The following TASP1 variants were observed in gnomAD, a reference collection of about 807,000 sequenced individuals.
TASP1 encodes taspase 1.
A neutral mutation model predicts 56.6 loss-of-function variants in TASP1; 16 were observed. The observed-to-expected ratio is 0.28, with a 90% CI of 0.19 to 0.43. TASP1 has a LOEUF of 0.43. Ranked by LOEUF, TASP1 falls within the 20% of genes least tolerant of loss-of-function variation. The pLI, the probability that TASP1 is intolerant of heterozygous loss-of-function variation, is 1.00. For missense variants in TASP1, 393 were observed against 511.6 expected (o/e 0.77, Z 2.24); for synonymous variants, 179 against 184.2 (o/e 0.97, Z 0.23).
chr20:13,350,119 C>T, the TASP1 span, among the ~76,000 whole-genome samples: 1 of 152,080 alleles, frequency 6.6e-6, no homozygotes, highest in African/African-American at 2.4e-5. Flanking sequence ...GGTGACAGAG[C>T]AAAGTCCTGT....
At chr20:13,104,911 C>CA in the TASP1 span, among the ~76,000 whole-genome samples, 10,441 of 151,768 alleles carry the variant, frequency 0.069, 383 homozygotes, top group South Asian at 0.11. Context: ...TTTTCATCTG[C>CA]AAAAAACAAA....
chr20:13,338,449 G>A, the TASP1 span, among the ~76,000 whole-genome samples: 3 of 152,100 alleles, frequency 2.0e-5, no homozygotes, highest in Non-Finnish European at 4.4e-5. Flanking sequence ...CCCATCCTGT[G>A]ACTTAGAATG....
At chr20:13,167,027 T>C in the TASP1 span, 1 of 152,090 alleles carries the variant, frequency 6.6e-6, no homozygotes, top group African/African-American at 2.4e-5. Context: ...TGTTAGAGAG[T>C]CCATGTTGAA....
chr20:13,493,821 T>G (rs2043627421), intron 10 of TASP1, among the ~76,000 whole-genome samples: 2 of 152,226 alleles, frequency 1.3e-5, no homozygotes, highest in South Asian at 2.1e-4. Flanking sequence ...AATATTCATT[T>G]TGAGTGTTAA....
intron 7 of TASP1, among the ~76,000 whole-genome samples, chr20:13,569,173 T>C (rs954020283): frequency 9.9e-5 from 15 of 152,230 alleles, no homozygotes; most frequent in African/African-American, 2.9e-4. Flanking sequence ...CTGTTAAATA[T>C]TGACCTATAT....
chr20:13,454,234 TA>T (rs2043741953), intron 11 of TASP1, among the ~76,000 whole-genome samples: 2 of 152,050 alleles, frequency 1.3e-5, no homozygotes, highest in Admixed American at 1.3e-4. Flanking sequence ...TCTTCAGAAA[TA>T]AAATCTTTAG....
intron 3 of TASP1, among the ~76,000 whole-genome samples, chr20:13,623,985 A>G (rs2048802982): frequency 6.6e-6 from 1 of 152,220 alleles, no homozygotes; most frequent in Non-Finnish European, 1.5e-5. Context: ...CATACATTTG[A>G]CAAAAACATT....
chr20:13,109,394 G>A, the TASP1 span, among the ~76,000 whole-genome samples: 2 of 152,156 alleles, frequency 1.3e-5, no homozygotes, highest in Non-Finnish European at 2.9e-5. Flanking sequence ...GCTTATGATA[G>A]ACCTCAGGCA....
the TASP1 span, among the ~76,000 whole-genome samples, chr20:13,138,361 T>C: frequency 6.6e-6 from 1 of 152,102 alleles, no homozygotes; most frequent in African/African-American, 2.4e-5. Flanking sequence ...CTACCCCCAT[T>C]CATTATCTCC....
intron 10 of TASP1, 129 bp from the exon 11 acceptor site, chr20:13,483,466 A>C: frequency 1.9e-6 from 1 of 535,924 alleles, no homozygotes; most frequent in Non-Finnish European, 3.2e-6. Context: ...TCCGTGAGGG[A>C]TGAAATGACT....
intron 10 of TASP1, among the ~76,000 whole-genome samples, chr20:13,514,321 G>C (rs184261210): frequency 1.3e-5 from 2 of 152,096 alleles, no homozygotes; most frequent in Admixed American, 1.3e-4. Context: ...GGCTGGGATA[G>C]AGAGAGAGAA....
the TASP1 span, among the ~76,000 whole-genome samples, chr20:13,289,659 AAGGAGG>A: frequency 6.8e-6 from 1 of 146,238 alleles, no homozygotes; most frequent in African/African-American, 2.5e-5. Flanking sequence ...GGAGGAAGAG[AAGGAGG>A]AGGAGGAGGG....
the TASP1 span, among the ~76,000 whole-genome samples, chr20:13,329,955 T>C: frequency 6.7e-6 from 1 of 150,248 alleles, no homozygotes; most frequent in Non-Finnish European, 1.5e-5. Context: ...GTTTGTCAAA[T>C]TCCTTTTTTT....
chr20:13,154,578 C>T, the TASP1 span, among the ~76,000 whole-genome samples: 6 of 152,196 alleles, frequency 3.9e-5, no homozygotes, highest in Admixed American at 2.0e-4. Flanking sequence ...TCATTTCAAG[C>T]GTGGGGAAGC....
At chr20:13,186,412 T>C in the TASP1 span, among the ~76,000 whole-genome samples, 1 of 152,078 alleles carries the variant, frequency 6.6e-6, no homozygotes, top group Admixed American at 6.6e-5. Flanking sequence ...GAAGAAAACA[T>C]AGCCAACAGT....
chr20:13,230,029 T>TCATTTGTG, the TASP1 span, among the ~76,000 whole-genome samples: 1 of 152,212 alleles, frequency 6.6e-6, no homozygotes, highest in Non-Finnish European at 1.5e-5. Flanking sequence ...TAAAGTTCTA[T>TCATTTGTG]CATTTGTGCT....
chr20:13,449,130 C>T (rs938612349), intron 11 of TASP1, among the ~76,000 whole-genome samples: 2 of 151,922 alleles, frequency 1.3e-5, no homozygotes, highest in Non-Finnish European at 2.9e-5. Flanking sequence ...ACACTATAGT[C>T]CAAAGGCACC....
intron 10 of TASP1, among the ~76,000 whole-genome samples, chr20:13,493,860 C>A (rs986840280): frequency 2.6e-5 from 4 of 152,146 alleles, no homozygotes; most frequent in Non-Finnish European, 5.9e-5. Context: ...ACCTTGCTTT[C>A]TGTTCTAAAT....
At chr20:13,330,584 C>G in the TASP1 span, among the ~76,000 whole-genome samples, 1 of 152,148 alleles carries the variant, frequency 6.6e-6, no homozygotes, top group Non-Finnish European at 1.5e-5. Context: ...TCATGTAGAA[C>G]TGTTATTATG....
Sources: gnomAD v4.1 joint callset for allele counts (sites outside exome capture counted in the v4.1 genomes callset) on GRCh38, gnomAD v4.1.1 for gene constraint, MANE v1.5 for transcripts, NCBI Gene and HGNC (gene_info 2026-07-23, HGNC 2026-07-21) for gene names.